Variants in DGKB observed in about 807,000 individuals in gnomAD.
The protein encoded by DGKB is 90 kDa diacylglycerol kinase.
In DGKB, 67 loss-of-function variants were observed where a neutral mutation model predicts 114.3. The observed-to-expected ratio is 0.59, with a 90% confidence interval of 0.48 to 0.72. DGKB has a LOEUF of 0.72. DGKB is among the 30% of genes least tolerant of loss of function. The probability of loss-of-function intolerance (pLI) is 0.00; values close to 1 mark genes in which losing one functional copy is unlikely to be tolerated. For synonymous variants in DGKB, 398 were observed against 323.1 expected (o/e 1.23, Z -2.49); for missense variants, 907 against 975.2 (o/e 0.93, Z 0.93).
intron 5 of DGKB, among the ~76,000 whole-genome samples, chr7:14,721,732 G>T (rs572233873): frequency 6.6e-6 from 1 of 152,104 alleles, no homozygotes; most frequent in South Asian, 2.1e-4. Context: ...AGCCAAATTT[G>T]AGAGGTAAAA....
chr7:14,891,445 C>G (rs1196057647), intron 1 of DGKB, among the ~76,000 whole-genome samples: 2 of 151,288 alleles, frequency 1.3e-5, no homozygotes, highest in Non-Finnish European at 3.0e-5. Flanking sequence ...ACCAGAGACA[C>G]AATAGGAGTG....
intron 5 of DGKB, among the ~76,000 whole-genome samples, chr7:14,728,844 A>G (rs1217430450): frequency 1.8e-4 from 27 of 151,948 alleles, no homozygotes; most frequent in Admixed American, 1.7e-3. Flanking sequence ...CTAGGATTAC[A>G]GGTGTGCACC....
At chr7:14,682,728 A>C in intron 11 of DGKB, 25 bp downstream of exon 11, 1 of 1,610,424 alleles carries the variant, frequency 6.2e-7, no homozygotes, top group Non-Finnish European at 8.5e-7. Flanking sequence ...CCACCTTCAG[A>C]AAGCAAGCAT....
At chr7:14,888,655 A>G (rs1330334323) in intron 1 of DGKB, among the ~76,000 whole-genome samples, 1 of 151,774 alleles carries the variant, frequency 6.6e-6, no homozygotes. Context: ...GCAATCTAAA[A>G]GAGAATATTT....
intron 13 of DGKB, among the ~76,000 whole-genome samples, chr7:14,631,263 CA>C (rs35088925): frequency 0.57 from 55,948 of 98,502 alleles, 12,460 homozygotes; most frequent in Admixed American, 0.67. Context: ...CAGCAAGAAC[CA>C]AAAAAAAAAA....
At chr7:14,647,506 A>G (rs547948172) in intron 13 of DGKB, among the ~76,000 whole-genome samples, 1 of 152,340 alleles carries the variant, frequency 6.6e-6, no homozygotes, top group Non-Finnish European at 1.5e-5. Flanking sequence ...CCTGATAACA[A>G]AACGAAACAC....
chr7:14,729,393 A>G (rs140554596), intron 5 of DGKB, among the ~76,000 whole-genome samples: 2,527 of 152,200 alleles, frequency 0.017, 68 homozygotes, highest in African/African-American at 0.057. Context: ...AAGTGCTGGG[A>G]TTACAGGCAC....
chr7:14,873,075 T>C (rs533041794), intron 1 of DGKB, among the ~76,000 whole-genome samples: 159 of 152,198 alleles, frequency 1.0e-3, no homozygotes, highest in African/African-American at 3.6e-3. Flanking sequence ...ACTTAGGTAA[T>C]GGGAAATTCA....
At chr7:14,934,061 T>C (rs551532558) in intron 1 of DGKB, among the ~76,000 whole-genome samples, 1 of 152,230 alleles carries the variant, frequency 6.6e-6, no homozygotes, top group African/African-American at 2.4e-5. Context: ...AATACCCTTT[T>C]GTTGTTTTAT....
chr7:14,566,157 A>T (rs1797353860), intron 20 of DGKB, among the ~76,000 whole-genome samples: 1 of 152,196 alleles, frequency 6.6e-6, no homozygotes, highest in Admixed American at 6.5e-5. Flanking sequence ...CTTTAGGAAG[A>T]TGTAATATAA....
chr7:14,277,121 T>G (rs1048672609), intron 23 of DGKB, among the ~76,000 whole-genome samples: 2 of 152,098 alleles, frequency 1.3e-5, no homozygotes, highest in Non-Finnish European at 2.9e-5. Context: ...GACCAACAAC[T>G]CGTTATTCCT....
intron 1 of DGKB, among the ~76,000 whole-genome samples, chr7:14,892,171 C>T (rs1376869524): frequency 6.6e-6 from 1 of 151,250 alleles, no homozygotes; most frequent in African/African-American, 2.4e-5. Flanking sequence ...GAAGAGAGAG[C>T]AATGTTATCA....
chr7:14,773,523 A>C (rs1191805659), intron 2 of DGKB, among the ~76,000 whole-genome samples: 3 of 152,166 alleles, frequency 2.0e-5, no homozygotes. Context: ...AGACCACAAG[A>C]GTGAGAAAAG....
intron 23 of DGKB, among the ~76,000 whole-genome samples, chr7:14,189,048 T>G (rs1320012636): frequency 1.3e-5 from 2 of 152,120 alleles, no homozygotes; most frequent in Admixed American, 1.3e-4. Context: ...GTGCTACAAA[T>G]GGAAACAAAA....
intron 23 of DGKB, among the ~76,000 whole-genome samples, chr7:14,182,484 TTA>T (rs1210676547): frequency 2.6e-5 from 4 of 152,116 alleles, no homozygotes; most frequent in Admixed American, 1.3e-4. Context: ...TTTTAAAACA[TTA>T]TGTCTGAGAA....
At position 14,145,070 on chromosome 7, in the gene DGKB, T is replaced by G. The variant is rs1781341372; in HGVS notation, c.*4061A>C. 6.6e-6 allele frequency: 1 copy of G among 152,100 alleles called. No homozygotes were observed. Among genetic ancestry groups the G allele is most frequent in the African/African-American group, 2.4e-5 (1 of 41,446 alleles). 9.4% of individuals were successfully genotyped at this position (152,100 alleles called of 1,614,324 possible). A position where few individuals can be genotyped will look rare whatever the true frequency, so the allele number is the denominator to read the frequency against. On this transcript the variant is annotated 3_prime_UTR_variant, in exon 26 of 26. Transcript: ENST00000402815. ...GAACTGAGTGGTTAACGTTTTTATT[T>G]CAAAAAACAGGATATTGTATATATC...
chr7:14,260,103 CACATGA>C (rs1201512999), intron 23 of DGKB, among the ~76,000 whole-genome samples: 19 of 37,348 alleles, frequency 5.1e-4, no homozygotes, highest in African/African-American at 3.2e-3. Flanking sequence ...CACACACACA[CACATGA>C]ACACACACAC....
chr7:14,252,038 C>T (rs1231149382), intron 23 of DGKB, among the ~76,000 whole-genome samples: 1 of 152,202 alleles, frequency 6.6e-6, no homozygotes, highest in Non-Finnish European at 1.5e-5. Context: ...TCATTTTCCT[C>T]TCCAGGTTGG....
chr7:14,741,735 G>A (rs114134512), intron 4 of DGKB, among the ~76,000 whole-genome samples: 1 of 151,994 alleles, frequency 6.6e-6, no homozygotes, highest in Admixed American at 6.5e-5. Context: ...TTGTATACTC[G>A]CAGTTAAATC....
Sources: allele counts gnomAD v4.1 joint callset (sites outside exome capture counted in the v4.1 genomes callset), GRCh38; gene constraint gnomAD v4.1.1; transcripts MANE v1.5; gene names NCBI Gene and HGNC (gene_info 2026-07-23, HGNC 2026-07-21).